RBFOX1: variants seen among roughly 807,000 people sequenced by gnomAD.
The protein encoded by RBFOX1 is RNA binding fox-1 homolog 1, also known as RNA binding protein fox-1 homolog 1.
A neutral mutation model predicts 57.7 loss-of-function variants in RBFOX1; 8 were observed. That is an observed-to-expected ratio of 0.14 (90% confidence interval 0.08 to 0.25). The LOEUF (loss-of-function observed/expected upper bound fraction) is 0.25, where lower values mean the gene tolerates loss of function less well. Among genes scored for constraint, RBFOX1 ranks in the 10% least tolerant of loss-of-function variants. The probability of loss-of-function intolerance (pLI) is 1.00; values close to 1 mark genes in which losing one functional copy is unlikely to be tolerated. For missense variants in RBFOX1, 611 were observed against 548.5 expected, an observed-to-expected ratio of 1.11 and a Z score of -1.14; for synonymous variants, 326 against 222.4, an observed-to-expected ratio of 1.47 and a Z score of -4.15.
chr16:6,487,747 ATATATAT>A (rs1567405977), intron 2 of RBFOX1, among the ~76,000 whole-genome samples: 57 of 74,448 alleles, frequency 7.7e-4, no homozygotes, highest in African/African-American at 2.3e-3. Flanking sequence ...ATATATATAT[ATATATAT>A]AAAATATTAT....
chr16:7,357,653 C>G (rs1194828540), intron 4 of RBFOX1, among the ~76,000 whole-genome samples: 1 of 152,162 alleles, frequency 6.6e-6, no homozygotes, highest in African/African-American at 2.4e-5. Context: ...TTTTCAGTCT[C>G]TTGCGCAGGA....
At chr16:6,607,243 T>C (rs1171937464) in intron 2 of RBFOX1, among the ~76,000 whole-genome samples, 3 of 152,282 alleles carry the variant, frequency 2.0e-5, no homozygotes, top group South Asian at 4.2e-4. Context: ...CTTTGAACCA[T>C]CTTGGAACAA....
chr16:6,587,670 A>T (rs1600711740), intron 2 of RBFOX1, among the ~76,000 whole-genome samples: 1 of 152,198 alleles, frequency 6.6e-6, no homozygotes, highest in Non-Finnish European at 1.5e-5. Context: ...CTACTAGGGT[A>T]GAGGTTTTTA....
intron 14 of RBFOX1, among the ~76,000 whole-genome samples, chr16:7,678,227 T>C (rs1426885450): frequency 2.0e-5 from 3 of 152,204 alleles, no homozygotes; most frequent in Non-Finnish European, 4.4e-5. Context: ...ACATAAATTA[T>C]ACATTTACCG....
At chr16:7,292,860 T>C (rs1265309372) in intron 4 of RBFOX1, among the ~76,000 whole-genome samples, 1 of 152,102 alleles carries the variant, frequency 6.6e-6, no homozygotes, top group Non-Finnish European at 1.5e-5. Context: ...AAAGATGGCT[T>C]GATACAAAGC....
chr16:7,190,839 G>A (rs1177528562), intron 4 of RBFOX1, among the ~76,000 whole-genome samples: 1 of 152,142 alleles, frequency 6.6e-6, no homozygotes, highest in Non-Finnish European at 1.5e-5. Context: ...TATCTGCATA[G>A]ACGCACATGA....
intron 2 of RBFOX1, among the ~76,000 whole-genome samples, chr16:6,492,680 C>A (rs1447276969): frequency 6.6e-6 from 1 of 152,192 alleles, no homozygotes; most frequent in Non-Finnish European, 1.5e-5. Flanking sequence ...CAGCTTGGTT[C>A]ACTGCCGCAT....
intron 1 of RBFOX1, among the ~76,000 whole-genome samples, chr16:5,445,277 A>G (rs765593431): frequency 6.6e-6 from 1 of 152,196 alleles, no homozygotes; most frequent in African/African-American, 2.4e-5. Context: ...GTATTTGATG[A>G]AGGTGACTTA....
chr16:6,192,429 G>T (rs571637134), intron 1 of RBFOX1, among the ~76,000 whole-genome samples: 1 of 151,816 alleles, frequency 6.6e-6, no homozygotes, highest in Non-Finnish European at 1.5e-5. Context: ...CTTTATTTGA[G>T]CCCCTCTACC....
At chr16:7,203,331 T>C (rs1567691477) in intron 4 of RBFOX1, among the ~76,000 whole-genome samples, 1 of 152,058 alleles carries the variant, frequency 6.6e-6, no homozygotes, top group Non-Finnish European at 1.5e-5. Flanking sequence ...ATGAAGTTTG[T>C]AGTGAAAAGC....
chr16:6,853,369 G>T (rs1018383130), intron 3 of RBFOX1, among the ~76,000 whole-genome samples: 1 of 152,126 alleles, frequency 6.6e-6, no homozygotes, highest in Non-Finnish European at 1.5e-5. Context: ...TACCCTAAGG[G>T]TTGGCTGCAT....
At chr16:5,399,993 C>A (rs1044158809) in intron 1 of RBFOX1, among the ~76,000 whole-genome samples, 1 of 152,090 alleles carries the variant, frequency 6.6e-6, no homozygotes, top group Non-Finnish European at 1.5e-5. Flanking sequence ...CATATGTTTG[C>A]CCTCCTTTCA....
intron 4 of RBFOX1, among the ~76,000 whole-genome samples, chr16:7,203,904 A>G (rs1405765809): frequency 6.6e-6 from 1 of 152,240 alleles, no homozygotes; most frequent in Non-Finnish European, 1.5e-5. Context: ...AGAACTAGTC[A>G]AGAAGGACAG....
At chr16:6,018,197 A>AAAGGGAGGAAGG (rs1555471738), upstream of RBFOX1, among the ~76,000 whole-genome samples, 3 of 145,490 alleles carry the variant, frequency 2.1e-5, no homozygotes, top group African/African-American at 5.2e-5. Flanking sequence ...AGGAAGGAAG[A>AAAGGGAGGAAGG]AAGGGAGGGA....
At position 6,773,569 on chromosome 16, in the gene RBFOX1, T is replaced by G. The variant is rs1274136578; in HGVS notation, c.-16+118919T>G. ...TAGGGTGCATTTGTGTGTGTATGTG[T>G]GGGTGTGGGGTGCATTTGTGTGTGT... On this transcript the variant is annotated intron_variant, in intron 3 of 15. Coordinates refer to ENST00000550418, the MANE Select transcript of RBFOX1 (RefSeq NM_018723.4). Among the ~76,000 whole-genome samples, 4 of 146,058 alleles carry G rather than the reference T, an allele frequency of 2.7e-5. No homozygotes were observed. In the East Asian group the frequency reaches 6.4e-4, roughly 23 times the overall value.
intron 2 of RBFOX1, among the ~76,000 whole-genome samples, chr16:6,510,784 C>T (rs543676623): frequency 1.3e-5 from 2 of 151,990 alleles, no homozygotes; most frequent in South Asian, 4.1e-4. Context: ...AATTTGTTGC[C>T]AGTACCTGGC....
chr16:6,800,716 A>G (rs1413192483), intron 3 of RBFOX1, among the ~76,000 whole-genome samples: 2 of 152,160 alleles, frequency 1.3e-5, no homozygotes, highest in East Asian at 3.9e-4. Context: ...TTTTCCTAAA[A>G]AGACTCCTTT....
intron 4 of RBFOX1, among the ~76,000 whole-genome samples, chr16:5,894,996 C>G (rs1249462312): frequency 6.6e-6 from 1 of 151,872 alleles, no homozygotes; most frequent in Admixed American, 6.6e-5. Flanking sequence ...GCACTCCAGC[C>G]TGGGCAACAG....
chr16:6,432,643 C>T (rs2094132173), intron 2 of RBFOX1, among the ~76,000 whole-genome samples: 1 of 151,994 alleles, frequency 6.6e-6, no homozygotes, highest in African/African-American at 2.4e-5. Context: ...GATCGCAGCA[C>T]TGCATTCCAG....
Sources: allele counts gnomAD v4.1 joint callset (sites outside exome capture counted in the v4.1 genomes callset), GRCh38; gene constraint gnomAD v4.1.1; transcripts MANE v1.5; gene names NCBI Gene and HGNC (gene_info 2026-07-23, HGNC 2026-07-21).